The following MCF2L variants were observed in gnomAD, a reference collection of about 807,000 sequenced individuals.
The protein encoded by MCF2L is guanine nucleotide exchange factor DBS.
MCF2L carries 97 observed loss-of-function variants against 153.4 expected under a neutral mutation model. That is an observed-to-expected ratio of 0.63 (90% CI 0.54 to 0.75). MCF2L has a LOEUF of 0.75. Ranked by LOEUF, MCF2L falls within the 30% of genes least tolerant of loss-of-function variation. The pLI, the probability that MCF2L is intolerant of heterozygous loss-of-function variation, is 0.00. For missense variants in MCF2L, 1,347 were observed against 1,495.2 expected (o/e 0.90, Z 1.64); for synonymous variants, 659 against 632.2 (o/e 1.04, Z -0.64).
At position 113,050,644 on chromosome 13, in the gene MCF2L, GGTGGGAGCC is replaced by G. The variant is rs1331130137; in HGVS notation, c.369+5289_369+5297del. ...AGCTCACCGTGGGGGCGGTGGGGGC[GGTGGGAGCC>G]GTGGGGGCCGGGGCGGTGGAGGGGG... On this transcript the variant is annotated intron_variant, in intron 4 of 29. Coordinates refer to ENST00000535094, the MANE Select transcript of MCF2L (RefSeq NM_001112732.3). 5.6e-3 allele frequency among the ~76,000 whole-genome samples: 689 copies of G among 122,264 alleles called. 11 individuals are homozygous for G. The highest frequency in any genetic ancestry group is 0.021 in the African/African-American group (658 of 31,762). The allele number at this position is 122,264 out of a possible 152,430, so 80.2% of individuals were successfully genotyped here. A position where few individuals can be genotyped will look rare whatever the true frequency, so the allele number is the denominator to read the frequency against.
intron 1 of MCF2L, among the ~76,000 whole-genome samples, chr13:113,010,827 C>A (rs1446148128): frequency 6.6e-6 from 1 of 152,226 alleles, no homozygotes. Flanking sequence ...GGGCCCACCA[C>A]CTCCCAGACG....
upstream of MCF2L, chr13:112,968,802 A>G: frequency 7.4e-7 from 1 of 1,342,968 alleles, no homozygotes; most frequent in East Asian, 3.1e-5. Context: ...CCCGCAAACC[A>G]GGAGGGCGTG....
chr13:112,913,494 T>A (rs891194910), intron 2 of MCF2L, among the ~76,000 whole-genome samples: 2 of 152,218 alleles, frequency 1.3e-5, no homozygotes, highest in Non-Finnish European at 2.9e-5. Flanking sequence ...CGGGGACAAA[T>A]GTGATCTTTG....
At position 113,024,689 on chromosome 13, in the gene MCF2L, A is replaced by G. The variant is rs779991619; in HGVS notation, c.209A>G (p.Tyr70Cys). Residue 70 changes from tyrosine (Y) to cysteine (C), a missense_variant, in exon 3 of 30, where the codon TAC (tyrosine) becomes TGC (cysteine). Physicochemically the swap from Tyr to Cys is radical, Grantham distance 194 (BLOSUM62 -2). This residue lies in a region of MCF2L where 820 missense variants were observed against 921.2 expected (regional missense o/e 0.89). Coordinates refer to ENST00000535094, the MANE Select transcript of MCF2L (RefSeq NM_001112732.3). The part of the protein sequence containing the change: ...DGSPVITFPD[Y>C]PAFSEIPDKE... ...AGCCCGGTTATCACCTTCCCTGACT[A>G]CCCGGCCTTCAGCGAGATTCCGGAC... 13 of 1,613,956 alleles carry G rather than the reference A, an allele frequency of 8.1e-6. No homozygotes were observed. In the East Asian group the frequency reaches 2.9e-4, roughly 36 times the overall value.
In MCF2L at chr13:112,896,400, G is replaced by A. The variant is rs9603982; in HGVS notation, c.-5+1969G>A. ...CCAGGGAAGACTTTGACTGGAATCT[G>A]AACGTTTATTTTGGAAAGGCAGCCT... is the stretch of plus-strand genomic sequence containing the variant. On this transcript the variant is annotated intron_variant, in intron 1 of 29. Transcript: ENST00000375608. Among the ~76,000 whole-genome samples, 1,302 of 152,180 alleles carry A rather than the reference G, an allele frequency of 8.6e-3. 23 individuals are homozygous for A. The highest frequency in any genetic ancestry group is 0.03 in the African/African-American group (1,237 of 41,430).
chr13:112,973,200 C>T (rs1385690639), intron 1 of MCF2L, among the ~76,000 whole-genome samples: 2 of 152,196 alleles, frequency 1.3e-5, no homozygotes, highest in South Asian at 2.1e-4. Flanking sequence ...TCTCACGCCT[C>T]TGCCTTCGGC....
chr13:112,952,068 A>G (rs989959209), intron 2 of MCF2L, among the ~76,000 whole-genome samples: 2 of 152,238 alleles, frequency 1.3e-5, no homozygotes, highest in African/African-American at 4.8e-5. Context: ...CAGATCTAAA[A>G]GTTTAAATAG....
At chr13:113,033,333 C>T (rs1465355658) in intron 3 of MCF2L, among the ~76,000 whole-genome samples, 160 of 97,794 alleles carry the variant, frequency 1.6e-3, no homozygotes, top group Middle Eastern at 7.6e-3. Flanking sequence ...GCGTGAGTGG[C>T]CCCCGTGACA....
At chr13:113,042,004 T>C (rs1305522271) in intron 3 of MCF2L, among the ~76,000 whole-genome samples, 1 of 152,164 alleles carries the variant, frequency 6.6e-6, no homozygotes, top group African/African-American at 2.4e-5. Context: ...CCTCACGGGA[T>C]GGTCGCTGGA....
At chr13:113,058,532 T>C (rs1384766512) in intron 4 of MCF2L, among the ~76,000 whole-genome samples, 2 of 149,334 alleles carry the variant, frequency 1.3e-5, no homozygotes, top group African/African-American at 5.0e-5. Context: ...GCTGAGTGTT[T>C]TGGCGCTGTG....
chr13:113,012,574 C>T (rs1179019363), intron 1 of MCF2L, among the ~76,000 whole-genome samples: 1 of 109,006 alleles, frequency 9.2e-6, no homozygotes, highest in South Asian at 4.4e-4. Context: ...GTGGTGTGGA[C>T]GGTGGACACT....
At chr13:113,008,605 A>G (rs186203199) in intron 1 of MCF2L, among the ~76,000 whole-genome samples, 2 of 152,322 alleles carry the variant, frequency 1.3e-5, no homozygotes, top group Admixed American at 6.5e-5. Context: ...GGAAATTCTG[A>G]CCACTGTTTT....
intron 1 of MCF2L, among the ~76,000 whole-genome samples, chr13:112,972,946 C>G (rs2082101599): frequency 6.6e-6 from 1 of 150,720 alleles, no homozygotes; most frequent in African/African-American, 2.4e-5. Context: ...AGGGACACAG[C>G]AGCACGGAGG....
intron 16 of MCF2L, among the ~76,000 whole-genome samples, chr13:113,081,867 C>T (rs1792138318): frequency 6.6e-6 from 1 of 151,418 alleles, no homozygotes; most frequent in Non-Finnish European, 1.5e-5. Flanking sequence ...GTGTCTGATT[C>T]ACCGAGTGTG....
intron 15 of MCF2L, among the ~76,000 whole-genome samples, 192 bp from the exon 16 acceptor site, chr13:113,081,021 G>A (rs61966406): frequency 0.022 from 3,338 of 152,342 alleles, 45 homozygotes; most frequent in Middle Eastern, 0.068. Context: ...TTCAGCCGCC[G>A]TCTGCAGGGT....
chr13:112,942,990 T>C (rs190926391), intron 2 of MCF2L, among the ~76,000 whole-genome samples: 43 of 152,254 alleles, frequency 2.8e-4, no homozygotes, highest in Middle Eastern at 3.4e-3. Flanking sequence ...CCAAAGGATA[T>C]GGTGTGTGAA....
At chr13:112,942,797 C>A in intron 2 of MCF2L, among the ~76,000 whole-genome samples, 1 of 152,140 alleles carries the variant, frequency 6.6e-6, no homozygotes, top group East Asian at 1.9e-4. Context: ...TGGTTCTGCT[C>A]CCCTATTGTG....
intron 2 of MCF2L, among the ~76,000 whole-genome samples, chr13:112,930,903 C>T (rs1366363658): frequency 1.3e-5 from 2 of 152,176 alleles, no homozygotes; most frequent in African/African-American, 4.8e-5. Context: ...CGCCATTGCA[C>T]TCCAGCCTGG....
intron 5 of MCF2L, among the ~76,000 whole-genome samples, chr13:113,061,728 C>CTT (rs2031475445): frequency 3.0e-5 from 2 of 67,250 alleles, no homozygotes; most frequent in East Asian, 9.7e-4. Context: ...CCCCCTTGCC[C>CTT]TCCCCTCCCT....
Sources: gnomAD v4.1 joint callset for allele counts (sites outside exome capture counted in the v4.1 genomes callset) on GRCh38, gnomAD v4.1.1 for gene constraint, gnomAD v4.1.1 regional missense constraint, MANE v1.5 for transcripts, NCBI Gene and HGNC (gene_info 2026-07-23, HGNC 2026-07-21) for gene names.